Variants in B3GALT1 observed in about 807,000 individuals in gnomAD.
B3GALT1 encodes beta-1,3-galactosyltransferase 1.
Under a neutral mutation model 23.2 loss-of-function variants are expected in B3GALT1, and 10 were observed. The observed-to-expected ratio is 0.43, with a 90% CI of 0.27 to 0.73. The LOEUF (loss-of-function observed/expected upper bound fraction) is 0.73, where lower values mean the gene tolerates loss of function less well. B3GALT1 is among the 30% of genes least tolerant of loss of function. The pLI is 0.21. For missense variants in B3GALT1, 299 were observed against 405.4 expected (o/e 0.74, Z 2.25); for synonymous variants, 156 against 141.5 (o/e 1.10, Z -0.73).
intron 3 of B3GALT1, among the ~76,000 whole-genome samples, chr2:167,722,202 T>C (rs1377635601): frequency 2.0e-5 from 3 of 152,256 alleles, no homozygotes; most frequent in South Asian, 4.1e-4. Context: ...ATAAATGCAC[T>C]GTAATGTAAG....
chr2:167,637,681 G>T (rs1359072204), intron 2 of B3GALT1, among the ~76,000 whole-genome samples: 1 of 151,712 alleles, frequency 6.6e-6, no homozygotes, highest in African/African-American at 2.4e-5. Flanking sequence ...CTAGTATTTG[G>T]TTACTGCCAT....
chr2:167,583,885 T>C (rs1176923215), intron 2 of B3GALT1, among the ~76,000 whole-genome samples: 1 of 152,196 alleles, frequency 6.6e-6, no homozygotes, highest in African/African-American at 2.4e-5. Flanking sequence ...CAGCTCCTGC[T>C]GTAACAGAAT....
intron 2 of B3GALT1, among the ~76,000 whole-genome samples, chr2:167,644,748 C>T (rs918808404): frequency 2.8e-5 from 4 of 142,408 alleles, no homozygotes; most frequent in African/African-American, 1.1e-4. Context: ...CCACTGCACT[C>T]CAGCCTGGGT....
chr2:167,620,826 C>T (rs987532049), intron 2 of B3GALT1, among the ~76,000 whole-genome samples: 14 of 151,996 alleles, frequency 9.2e-5, no homozygotes, highest in African/African-American at 3.1e-4. Context: ...ATTTAATTGG[C>T]TTTCAATGGC....
At chr2:167,410,068 A>C (rs1698366853) in intron 1 of B3GALT1, among the ~76,000 whole-genome samples, 1 of 152,214 alleles carries the variant, frequency 6.6e-6, no homozygotes, top group South Asian at 2.1e-4. Context: ...AAAATGTGGC[A>C]CATATACACA....
chr2:167,581,958 A>T (rs990515017), intron 2 of B3GALT1, among the ~76,000 whole-genome samples: 1 of 152,130 alleles, frequency 6.6e-6, no homozygotes, highest in African/African-American at 2.4e-5. Flanking sequence ...GCATATGTGT[A>T]CTGGTGAAAC....
intron 1 of B3GALT1, among the ~76,000 whole-genome samples, chr2:167,354,138 T>C (rs1224703725): frequency 1.3e-5 from 2 of 152,194 alleles, no homozygotes; most frequent in Non-Finnish European, 2.9e-5. Context: ...TTTAGAACAA[T>C]ATCCTGCCCA....
chr2:167,839,030 AAAT>A (rs1387775976), intron 4 of B3GALT1, among the ~76,000 whole-genome samples: 1 of 152,264 alleles, frequency 6.6e-6, no homozygotes, highest in African/African-American at 2.4e-5. Flanking sequence ...ACGTATCTGA[AAAT>A]AATAAGAGCT....
At chr2:167,594,609 T>C (rs905930783) in intron 2 of B3GALT1, among the ~76,000 whole-genome samples, 4 of 152,078 alleles carry the variant, frequency 2.6e-5, no homozygotes, top group African/African-American at 9.7e-5. Context: ...GAATTACAAA[T>C]GTGTATAAAA....
intron 2 of B3GALT1, among the ~76,000 whole-genome samples, chr2:167,620,366 A>G (rs958202004): frequency 3.9e-5 from 6 of 152,116 alleles, no homozygotes; most frequent in African/African-American, 1.4e-4. Flanking sequence ...GAGAACAGGC[A>G]GAGGGAGGGG....
intron 1 of B3GALT1, among the ~76,000 whole-genome samples, chr2:167,408,102 G>T (rs1231863270): frequency 6.7e-6 from 1 of 148,320 alleles, no homozygotes. Context: ...CAATATCACT[G>T]GTGAACGTAG....
intron 2 of B3GALT1, among the ~76,000 whole-genome samples, chr2:167,491,483 C>CTTTTTTT (rs35378344): frequency 8.2e-6 from 1 of 122,024 alleles, no homozygotes; most frequent in Non-Finnish European, 1.7e-5. Flanking sequence ...TTTACTTTTG[C>CTTTTTTT]TTTTTTTTTT....
At chr2:167,394,408 A>G (rs1327389152) in intron 1 of B3GALT1, among the ~76,000 whole-genome samples, 1 of 152,160 alleles carries the variant, frequency 6.6e-6, no homozygotes, top group Non-Finnish European at 1.5e-5. Flanking sequence ...TTTCCACTAC[A>G]CAATGTACTG....
chr2:167,393,612 C>T lies in B3GALT1; in HGVS notation c.-510-96565C>T, dbSNP rs141579134. ...TAAATTATGACAACAATTTAAATTT[C>T]TACATTCCTCCTTTTAAAAATAGGG... On this transcript the variant is annotated intron_variant, in intron 1 of 4. Coordinates refer to ENST00000392690, the MANE Select transcript of B3GALT1 (RefSeq NM_020981.4). 7.4e-3 allele frequency among the ~76,000 whole-genome samples: 1,126 copies of T among 152,258 alleles called. 19 individuals are homozygous for T. Among genetic ancestry groups the T allele is most frequent in the African/African-American group, 0.026 (1,084 of 41,538 alleles).
chr2:167,703,537 A>T (rs1417686594), intron 3 of B3GALT1, among the ~76,000 whole-genome samples: 1 of 152,164 alleles, frequency 6.6e-6, no homozygotes, highest in Non-Finnish European at 1.5e-5. Flanking sequence ...GCATTGCAAA[A>T]AGCTTTTGCT....
chr2:167,840,313 G>T (rs1336643092), intron 4 of B3GALT1, among the ~76,000 whole-genome samples: 2 of 151,914 alleles, frequency 1.3e-5, no homozygotes, highest in Non-Finnish European at 2.9e-5. Flanking sequence ...AATCTACAAT[G>T]AACTCAAACA....
At chr2:167,374,709 T>A (rs774768659) in intron 1 of B3GALT1, among the ~76,000 whole-genome samples, 1 of 152,164 alleles carries the variant, frequency 6.6e-6, no homozygotes, top group Non-Finnish European at 1.5e-5. Flanking sequence ...TAGTTTTTGC[T>A]TGTTTAAATG....
At chr2:167,747,157 A>T (rs1227733993) in intron 3 of B3GALT1, among the ~76,000 whole-genome samples, 1 of 152,130 alleles carries the variant, frequency 6.6e-6, no homozygotes, top group Admixed American at 6.6e-5. Flanking sequence ...TTGATTATTC[A>T]TGGTGATAAA....
intron 1 of B3GALT1, among the ~76,000 whole-genome samples, chr2:167,437,668 A>G (rs1698810391): frequency 6.6e-6 from 1 of 152,158 alleles, no homozygotes; most frequent in Non-Finnish European, 1.5e-5. Flanking sequence ...CAAACAGCTT[A>G]TGGCTTTTTC....
Sources: gnomAD v4.1 joint callset for allele counts (sites outside exome capture counted in the v4.1 genomes callset) on GRCh38, gnomAD v4.1.1 for gene constraint, MANE v1.5 for transcripts, NCBI Gene and HGNC (gene_info 2026-07-23, HGNC 2026-07-21) for gene names.